Variants in EXOC6B observed in about 807,000 individuals in gnomAD.
EXOC6B encodes exocyst complex component 6B.
In EXOC6B, 54 loss-of-function variants were observed where a neutral mutation model predicts 113.5. The ratio of observed to expected loss-of-function variants is 0.48; its 90% CI spans 0.38 to 0.60. The LOEUF (loss-of-function observed/expected upper bound fraction) is 0.60, where lower values mean the gene tolerates loss of function less well. Among genes scored for constraint, EXOC6B ranks in the 20% least tolerant of loss-of-function variants. The probability of loss-of-function intolerance (pLI) is 0.00; values close to 1 mark genes in which losing one functional copy is unlikely to be tolerated. For synonymous variants in EXOC6B, 357 were observed against 339.0 expected (o/e 1.05, Z -0.58); for missense variants, 797 against 977.5 (o/e 0.82, Z 2.46).
intron 7 of EXOC6B, among the ~76,000 whole-genome samples, chr2:72,566,427 G>T (rs771764985): frequency 6.6e-6 from 1 of 152,018 alleles, no homozygotes; most frequent in African/African-American, 2.4e-5. Context: ...ATCCCTTCAT[G>T]CATTGAAGGA....
rs766170220 is a variant in EXOC6B at position 72,513,152 on chromosome 2, C to A, written c.1147G>T (p.Ala383Ser). 6.2e-7 allele frequency: 1 copy of A among 1,612,980 alleles called. No individual in the cohort carries two copies. Among genetic ancestry groups the A allele is most frequent in the African/African-American group, 1.3e-5 (1 of 74,840 alleles). Residue 383 changes from alanine (A) to serine (S), a missense_variant, in exon 11 of 22, where the codon GCA becomes TCA. By Grantham distance (99) the Ala-to-Ser change is moderately conservative. Coordinates refer to ENST00000272427, the MANE Select transcript of EXOC6B (RefSeq NM_015189.3). ...CATACCGAGTGGGTACGGAGTGCTG[C>A]GATGGTTTTTGAAAGTGCCATTTCC... ...LWEMALSKTI[A>S]ALRTHSSYCS...
chr2:72,573,960 C>CA lies in EXOC6B; in HGVS notation c.846+1531dup, dbSNP rs954130991. Among the ~76,000 whole-genome samples the CA allele has an allele frequency of 4.0e-5, 6 of 151,736 alleles. No individual in the cohort carries two copies. The East Asian group carries it at 5.8e-4, about 15-fold the overall frequency. The stretch of plus-strand genomic sequence containing the variant: ...GAAACCCCATCTCTACTAAAAAATA[C>CA]AAAAAATTCACCAGGCATGGTGGCG... On this transcript the variant is annotated intron_variant, in intron 7 of 21. Transcript: ENST00000272427.
intron 1 of EXOC6B, among the ~76,000 whole-genome samples, chr2:72,817,148 G>A (rs1310047741): frequency 6.6e-6 from 1 of 152,058 alleles, no homozygotes; most frequent in Non-Finnish European, 1.5e-5. Flanking sequence ...TAAATGTTAA[G>A]CTTTATTTAT....
chr2:72,824,344 TCACTG>T (rs1686773098), intron 1 of EXOC6B, among the ~76,000 whole-genome samples: 1 of 152,182 alleles, frequency 6.6e-6, no homozygotes, highest in South Asian at 2.1e-4. Context: ...TACGATCACA[TCACTG>T]CACTGCAGCC....
At chr2:72,318,999 C>A (rs994886183) in intron 20 of EXOC6B, among the ~76,000 whole-genome samples, 3 of 151,370 alleles carry the variant, frequency 2.0e-5, no homozygotes, top group African/African-American at 7.3e-5. Context: ...ATTGGTATAA[C>A]CCTTCATTAA....
chr2:72,326,118 T>C (rs981127927), intron 20 of EXOC6B, among the ~76,000 whole-genome samples: 1 of 152,060 alleles, frequency 6.6e-6, no homozygotes, highest in Non-Finnish European at 1.5e-5. Flanking sequence ...AGTAGAAAGC[T>C]ACACAGTGCA....
chr2:72,227,310 C>T lies in EXOC6B; in HGVS notation c.2197-43123G>A, dbSNP rs575622383. Among the ~76,000 whole-genome samples, 32 of 151,960 alleles carry T rather than the reference C, an allele frequency of 2.1e-4. No homozygotes were observed. The South Asian group carries it at 4.2e-3, about 20-fold the overall frequency. On this transcript the variant is annotated intron_variant, in intron 20 of 21. Coordinates refer to ENST00000272427, the MANE Select transcript of EXOC6B (RefSeq NM_015189.3). Reference sequence around the variant, plus strand: ...CTGAGCAAGTACTGAAAAGGAAAACCGGTCCAGTAAAAACTATCAGGTGAA... The same window carrying T: ...CTGAGCAAGTACTGAAAAGGAAAACTGGTCCAGTAAAAACTATCAGGTGAA...
intron 18 of EXOC6B, among the ~76,000 whole-genome samples, chr2:72,406,073 C>T (rs1379290737): frequency 6.6e-6 from 1 of 152,144 alleles, no homozygotes; most frequent in East Asian, 1.9e-4. Flanking sequence ...ATAAAACAGA[C>T]TTTAAACCAA....
intron 20 of EXOC6B, among the ~76,000 whole-genome samples, chr2:72,240,277 CTT>C (rs1682231511): frequency 6.6e-6 from 1 of 152,120 alleles, no homozygotes; most frequent in African/African-American, 2.4e-5. Flanking sequence ...AAGGCCTTTG[CTT>C]TTTAAGCAGT....
chr2:72,659,362 C>T (rs1674837420), intron 6 of EXOC6B, among the ~76,000 whole-genome samples: 1 of 152,122 alleles, frequency 6.6e-6, no homozygotes, highest in Non-Finnish European at 1.5e-5. Context: ...CCCCTAATCT[C>T]TTGCTCTATG....
chr2:72,691,378 C>T (rs982706258), intron 6 of EXOC6B, among the ~76,000 whole-genome samples: 1 of 151,866 alleles, frequency 6.6e-6, no homozygotes, highest in Non-Finnish European at 1.5e-5. Flanking sequence ...GTTTGTAGTA[C>T]TTTGTTACAG....
chr2:72,381,296 T>C (rs993837117), intron 18 of EXOC6B, among the ~76,000 whole-genome samples: 1 of 152,194 alleles, frequency 6.6e-6, no homozygotes, highest in African/African-American at 2.4e-5. Flanking sequence ...ATTCCTTTAG[T>C]TGTTCCATAG....
chr2:72,330,094 A>G (rs531425129), intron 20 of EXOC6B, among the ~76,000 whole-genome samples: 1 of 152,198 alleles, frequency 6.6e-6, no homozygotes, highest in South Asian at 2.1e-4. Flanking sequence ...GCTTTATAAA[A>G]ACTTAAGTAT....
intron 8 of EXOC6B, among the ~76,000 whole-genome samples, chr2:72,516,889 GATTAAAGTA>G (rs1193771705): frequency 1.3e-5 from 2 of 152,128 alleles, no homozygotes; most frequent in Non-Finnish European, 2.9e-5. Flanking sequence ...TAAAATCAAT[GATTAAAGTA>G]AAAGCCCTGC....
At chr2:72,401,619 A>ACG (rs1289453261) in intron 18 of EXOC6B, among the ~76,000 whole-genome samples, 1 of 49,650 alleles carries the variant, frequency 2.0e-5, no homozygotes, top group Non-Finnish European at 3.1e-5. Flanking sequence ...ATATATATAT[A>ACG]TACATATATA....
chr2:72,824,925 G>A (rs1281639597), intron 1 of EXOC6B, among the ~76,000 whole-genome samples: 1 of 152,140 alleles, frequency 6.6e-6, no homozygotes, highest in Non-Finnish European at 1.5e-5. Context: ...TATTTTCTCT[G>A]TGACCTTGGG....
At chr2:72,230,841 A>T (rs1440129368) in intron 20 of EXOC6B, among the ~76,000 whole-genome samples, 1 of 152,148 alleles carries the variant, frequency 6.6e-6, no homozygotes, top group Admixed American at 6.5e-5. Context: ...GATAGAGGAT[A>T]TTTTAGGCAA....
intron 19 of EXOC6B, among the ~76,000 whole-genome samples, chr2:72,339,855 T>C (rs1688921767): frequency 6.6e-6 from 1 of 152,220 alleles, no homozygotes; most frequent in Non-Finnish European, 1.5e-5. Flanking sequence ...AAATCACTAA[T>C]ATACTTTACT....
chr2:72,479,446 T>A (rs1698944022), intron 17 of EXOC6B, among the ~76,000 whole-genome samples: 1 of 152,128 alleles, frequency 6.6e-6, no homozygotes, highest in South Asian at 2.1e-4. Context: ...GAGGTTAAGA[T>A]GATGGGAAAA....
Sources: gnomAD v4.1 joint callset for allele counts (sites outside exome capture counted in the v4.1 genomes callset) on GRCh38, gnomAD v4.1.1 for gene constraint, MANE v1.5 for transcripts, NCBI Gene and HGNC (gene_info 2026-07-23, HGNC 2026-07-21) for gene names.